PLCZ1: variants seen among roughly 807,000 people sequenced by gnomAD.
The protein encoded by PLCZ1 is 1-phosphatidylinositol 4,5-bisphosphate phosphodiesterase zeta-1.
Under a neutral mutation model 76.8 loss-of-function variants are expected in PLCZ1, and 64 were observed. The ratio of observed to expected loss-of-function variants is 0.83; its 90% confidence interval spans 0.68 to 1.03. PLCZ1 has a LOEUF of 1.03. PLCZ1 is among the 50% of genes least tolerant of loss of function. PLCZ1 has a pLI of 0.00. For missense variants in PLCZ1, 751 were observed against 713.7 expected (o/e 1.05, Z -0.60); for synonymous variants, 248 against 230.8 (o/e 1.07, Z -0.68).
chr12:18,700,920 G>A (rs891817824), intron 9 of PLCZ1, among the ~76,000 whole-genome samples: 1 of 151,744 alleles, frequency 6.6e-6, no homozygotes, highest in African/African-American at 2.4e-5. Context: ...GTGTATCTCT[G>A]CATCTTTTGC....
intron 12 of PLCZ1, among the ~76,000 whole-genome samples, chr12:18,689,200 C>T (rs1186673018): frequency 6.6e-6 from 1 of 152,014 alleles, no homozygotes; most frequent in Non-Finnish European, 1.5e-5. Flanking sequence ...CACTATAGAC[C>T]CGCTAAATAT....
At chr12:18,701,606 ATCCTCC>A (rs11279217) in intron 8 of PLCZ1, 38 bp from the exon 9 acceptor site, 62,833 of 1,522,444 alleles carry the variant, frequency 0.041, 558 homozygotes, top group African/African-American at 0.081. Flanking sequence ...CTTTGAATTT[ATCCTCC>A]TCCTCCTCCT....
At chr12:18,675,846 A>T in the PLCZ1 span, among the ~76,000 whole-genome samples, 3 of 151,042 alleles carry the variant, frequency 2.0e-5, no homozygotes, top group Non-Finnish European at 4.4e-5. Flanking sequence ...GGTAAATAAT[A>T]GACACTAGGG....
chr12:18,650,733 T>G, the PLCZ1 span, among the ~76,000 whole-genome samples: 1 of 29,712 alleles, frequency 3.4e-5, no homozygotes, highest in Non-Finnish European at 5.5e-5. Context: ...TATATATATA[T>G]ATATATATAT....
At chr12:18,685,457 T>G (rs1952966222) in intron 13 of PLCZ1, 2 of 210,416 alleles carry the variant, frequency 9.5e-6, no homozygotes, top group Non-Finnish European at 2.1e-5. Flanking sequence ...ATGCTACACT[T>G]GCTATGTCAA....
chr12:18,661,753 T>A, the PLCZ1 span, among the ~76,000 whole-genome samples: 1,099 of 152,156 alleles, frequency 7.2e-3, 12 homozygotes, highest in Non-Finnish European at 9.6e-3. Flanking sequence ...TCAGAAAACT[T>A]AGAACTACCA....
At chr12:18,647,876 G>A in the PLCZ1 span, 2 of 1,499,380 alleles carry the variant, frequency 1.3e-6, no homozygotes, top group African/African-American at 1.4e-5. Context: ...CCGTTTTTAG[G>A]TAGTATATGA....
chr12:18,695,126 A>G (rs376063732), intron 11 of PLCZ1, 47 bp from the exon 12 acceptor site: 1 of 1,559,250 alleles, frequency 6.4e-7, no homozygotes, highest in Non-Finnish European at 8.8e-7. Flanking sequence ...AGAGAATACA[A>G]ATAAAGGAAC....
chr12:18,652,827 A>G, the PLCZ1 span, among the ~76,000 whole-genome samples: 7 of 152,132 alleles, frequency 4.6e-5, no homozygotes, highest in African/African-American at 7.2e-5. Flanking sequence ...GAGAGTAGTA[A>G]CATTCAGTTG....
At chr12:18,694,868 TATA>T in intron 12 of PLCZ1, 39 bp downstream of exon 12, 1 of 1,447,314 alleles carries the variant, frequency 6.9e-7, no homozygotes, top group South Asian at 1.2e-5. Flanking sequence ...ATCTAGTTTA[TATA>T]ATAACCAAAA....
chr12:18,693,131 C>T (rs1954385342), intron 12 of PLCZ1: 8 of 1,515,032 alleles, frequency 5.3e-6, no homozygotes, highest in Non-Finnish European at 7.3e-6. Flanking sequence ...TCATTGATGA[C>T]AATCATGCCA....
At chr12:18,704,762 A>T (rs1314120388) in intron 7 of PLCZ1, among the ~76,000 whole-genome samples, 1 of 152,142 alleles carries the variant, frequency 6.6e-6, no homozygotes, top group Non-Finnish European at 1.5e-5. Context: ...AGGGAAATTG[A>T]AAAGAGTAGA....
chr12:18,651,434 C>T, the PLCZ1 span, among the ~76,000 whole-genome samples: 3 of 152,128 alleles, frequency 2.0e-5, no homozygotes, highest in African/African-American at 4.8e-5. Flanking sequence ...ATATAATTTA[C>T]TTATGTATTT....
At chr12:18,698,720 A>AAC (rs1342275253) in intron 10 of PLCZ1, among the ~76,000 whole-genome samples, 3 of 152,210 alleles carry the variant, frequency 2.0e-5, no homozygotes, top group Non-Finnish European at 2.9e-5. Flanking sequence ...AATGTCTAGT[A>AAC]ACACATCAGG....
chr12:18,681,287 G>A (rs1488053797), downstream of PLCZ1, among the ~76,000 whole-genome samples: 1 of 151,980 alleles, frequency 6.6e-6, no homozygotes, highest in Non-Finnish European at 1.5e-5. Context: ...AACACGGATG[G>A]CTTCCCTGAG....
chr12:18,701,287 G>T (rs1955875307), intron 9 of PLCZ1, among the ~76,000 whole-genome samples: 1 of 151,902 alleles, frequency 6.6e-6, no homozygotes, highest in African/African-American at 2.4e-5. Context: ...GCTCAGCCTA[G>T]AGAAAAAAAT....
At chr12:18,688,285 ATTAAG>A (rs760930482) in intron 12 of PLCZ1, 67 bp from the exon 13 acceptor site, 164 of 1,510,024 alleles carry the variant, frequency 1.1e-4, no homozygotes, top group Middle Eastern at 4.1e-4. Flanking sequence ...TTATTTCAAA[ATTAAG>A]TTATGTATTA....
At chr12:18,673,519 T>C in the PLCZ1 span, among the ~76,000 whole-genome samples, 1 of 152,180 alleles carries the variant, frequency 6.6e-6, no homozygotes, top group East Asian at 1.9e-4. Flanking sequence ...AGAGAAGCCT[T>C]GGATATCTGC....
At chr12:18,658,537 C>T in the PLCZ1 span, among the ~76,000 whole-genome samples, 1 of 151,884 alleles carries the variant, frequency 6.6e-6, no homozygotes, top group South Asian at 2.1e-4. Flanking sequence ...ATTCAAAGAG[C>T]TAAAAGAAAA....
Sources: allele counts gnomAD v4.1 joint callset (sites outside exome capture counted in the v4.1 genomes callset), GRCh38; gene constraint gnomAD v4.1.1; transcripts MANE v1.5; gene names NCBI Gene and HGNC (gene_info 2026-07-23, HGNC 2026-07-21).